Variants in LOC128092252 observed in about 807,000 individuals in gnomAD.
the LOC128092252 span, among the ~76,000 whole-genome samples, chr15:50,658,264 C>T: frequency 2.0e-5 from 3 of 152,136 alleles, no homozygotes; most frequent in African/African-American, 7.2e-5. Context: ...CTCGGCCTCC[C>T]AAAGTGCTAG....
chr15:50,660,920 T>G, the LOC128092252 span, among the ~76,000 whole-genome samples: 289 of 151,902 alleles, frequency 1.9e-3, no homozygotes, highest in Admixed American at 4.2e-3. Context: ...AATTGACCAA[T>G]AGTAGAACAG....
the LOC128092252 span, among the ~76,000 whole-genome samples, chr15:50,653,161 G>C: frequency 6.6e-6 from 1 of 151,842 alleles, no homozygotes; most frequent in Non-Finnish European, 1.5e-5. Context: ...CCCCCAAAAA[G>C]AAAAAAGAAA....
At chr15:50,665,393 T>TAAA in the LOC128092252 span, among the ~76,000 whole-genome samples, 2 of 135,742 alleles carry the variant, frequency 1.5e-5, no homozygotes, top group Non-Finnish European at 1.6e-5. Context: ...AAACTCTGTC[T>TAAA]AAAAAAAAAA....
the LOC128092252 span, among the ~76,000 whole-genome samples, chr15:50,659,027 T>C: frequency 3.3e-5 from 5 of 151,948 alleles, no homozygotes; most frequent in African/African-American, 4.8e-5. Flanking sequence ...TGAAACCCCG[T>C]CTCTACTAAA....
At chr15:50,665,903 G>C in the LOC128092252 span, among the ~76,000 whole-genome samples, 4 of 152,096 alleles carry the variant, frequency 2.6e-5, no homozygotes, top group Non-Finnish European at 2.9e-5. Context: ...TGAGGCAGGA[G>C]AACTGCTTGA....
the LOC128092252 span, among the ~76,000 whole-genome samples, chr15:50,658,555 G>A: frequency 2.0e-5 from 3 of 148,828 alleles, no homozygotes; most frequent in African/African-American, 7.5e-5. Context: ...CTGGGCGAAA[G>A]AGCGAGAAAC....
the LOC128092252 span, among the ~76,000 whole-genome samples, chr15:50,681,072 G>A: frequency 7.1e-4 from 108 of 152,210 alleles, no homozygotes; most frequent in African/African-American, 2.5e-3. Context: ...CCAACATGGT[G>A]AAACTCCGTC....
the LOC128092252 span, among the ~76,000 whole-genome samples, chr15:50,682,492 C>G: frequency 6.6e-6 from 1 of 151,434 alleles, no homozygotes; most frequent in Non-Finnish European, 1.5e-5. Flanking sequence ...AGGAGAATCA[C>G]TTGAATCCAG....
chr15:50,675,553 G>A, the LOC128092252 span, among the ~76,000 whole-genome samples: 9 of 152,096 alleles, frequency 5.9e-5, no homozygotes, highest in Non-Finnish European at 1.2e-4. Context: ...CCAGCTGAAA[G>A]TTGTAAATAT....
At chr15:50,679,538 A>ATATATATATT in the LOC128092252 span, among the ~76,000 whole-genome samples, 2 of 43,900 alleles carry the variant, frequency 4.6e-5, no homozygotes, top group African/African-American at 2.1e-4. Flanking sequence ...ATATATATAT[A>ATATATATATT]TTTTTTTTTT....
the LOC128092252 span, among the ~76,000 whole-genome samples, chr15:50,661,286 A>T: frequency 6.6e-6 from 1 of 152,116 alleles, no homozygotes; most frequent in Admixed American, 6.6e-5. Context: ...ATTAACTACC[A>T]TTCTTATAAA....
the LOC128092252 span, among the ~76,000 whole-genome samples, chr15:50,681,184 G>A: frequency 9.9e-5 from 15 of 151,996 alleles, no homozygotes; most frequent in Non-Finnish European, 2.2e-4. Flanking sequence ...CCGGGAGGCA[G>A]AGGTTGCAGT....
chr15:50,660,848 T>C, the LOC128092252 span, among the ~76,000 whole-genome samples: 1 of 152,194 alleles, frequency 6.6e-6, no homozygotes, highest in Non-Finnish European at 1.5e-5. Flanking sequence ...AAAGGTTTTA[T>C]CCACAAAGAT....
At chr15:50,666,889 A>G in the LOC128092252 span, among the ~76,000 whole-genome samples, 2 of 152,258 alleles carry the variant, frequency 1.3e-5, no homozygotes, top group South Asian at 4.1e-4. Context: ...AAAGAAGAAA[A>G]TAACAGGCTG....
chr15:50,661,304 T>C, the LOC128092252 span, among the ~76,000 whole-genome samples: 1 of 152,164 alleles, frequency 6.6e-6, no homozygotes, highest in African/African-American at 2.4e-5. Flanking sequence ...AAAATATCTG[T>C]AGTATGAAAA....
At chr15:50,650,630 G>A in the LOC128092252 span, among the ~76,000 whole-genome samples, 1 of 152,086 alleles carries the variant, frequency 6.6e-6, no homozygotes, top group Non-Finnish European at 1.5e-5. Flanking sequence ...GGGAGGCAGA[G>A]GTTGTGGTGA....
the LOC128092252 span, among the ~76,000 whole-genome samples, chr15:50,677,254 C>G: frequency 1.3e-5 from 2 of 152,048 alleles, no homozygotes; most frequent in Admixed American, 1.3e-4. Flanking sequence ...GACATAAATC[C>G]TATCAGACCC....
chr15:50,654,841 A>AC, the LOC128092252 span, among the ~76,000 whole-genome samples: 2 of 148,622 alleles, frequency 1.3e-5, no homozygotes, highest in Admixed American at 6.7e-5. Flanking sequence ...ACTAAAAAAA[A>AC]CCACAAAAAA....
chr15:50,683,754 A>G, the LOC128092252 span, among the ~76,000 whole-genome samples: 1 of 152,178 alleles, frequency 6.6e-6, no homozygotes, highest in Non-Finnish European at 1.5e-5. Flanking sequence ...CAACAAAAAA[A>G]ACAAGTGCAA....
Sources: allele counts gnomAD v4.1 joint callset (sites outside exome capture counted in the v4.1 genomes callset), GRCh38; gene constraint gnomAD v4.1.1; transcripts MANE v1.5.